Variants in ZNF697 observed in about 807,000 individuals in gnomAD.
ZNF697 encodes the protein zinc finger protein 697.
A neutral mutation model predicts 32.4 loss-of-function variants in ZNF697; 23 were observed. That is an observed-to-expected ratio of 0.71 (90% CI 0.51 to 1.01). ZNF697 has a LOEUF of 1.01. Ranked by LOEUF, ZNF697 falls within the 50% of genes least tolerant of loss-of-function variation. The probability of loss-of-function intolerance (pLI) is 0.00; values close to 1 mark genes in which losing one functional copy is unlikely to be tolerated. For synonymous variants in ZNF697, 418 were observed against 337.2 expected (o/e 1.24, Z -2.62); for missense variants, 930 against 794.0 (o/e 1.17, Z -2.06).
intron 1 of ZNF697, among the ~76,000 whole-genome samples, chr1:119,642,661 A>G (rs1649109506): frequency 6.6e-6 from 1 of 152,182 alleles, no homozygotes; most frequent in Non-Finnish European, 1.5e-5. Flanking sequence ...TCATTTTAGG[A>G]ACAAATTAAA....
At position 119,648,133 on chromosome 1, in the gene ZNF697, C is replaced by A. The variant is rs1296820667; in HGVS notation, c.-480G>T. Reference sequence around the variant, plus strand: ...GAGCGCCCCGGCCCGAGCCCCGCACCGCAGCGCGTCTGCCCTTGTGCGGCG... The same window carrying A: ...GAGCGCCCCGGCCCGAGCCCCGCACAGCAGCGCGTCTGCCCTTGTGCGGCG... On this transcript the variant is annotated 5_prime_UTR_variant, in exon 1 of 3. Coordinates refer to ENST00000421812, the MANE Select transcript of ZNF697 (RefSeq NM_001080470.2). Among the ~76,000 whole-genome samples the A allele has an allele frequency of 1.3e-5, 2 of 152,042 alleles. No homozygotes were observed. Among genetic ancestry groups the A allele is most frequent in the African/African-American group, 4.8e-5 (2 of 41,436 alleles).
At chr1:119,634,831 G>A (rs10754417) in intron 1 of ZNF697, among the ~76,000 whole-genome samples, 2 of 151,982 alleles carry the variant, frequency 1.3e-5, no homozygotes, top group African/African-American at 4.8e-5. Flanking sequence ...ATAAGACAAC[G>A]GAGGAACTGT....
intron 1 of ZNF697, among the ~76,000 whole-genome samples, chr1:119,646,650 AG>A (rs1297446944): frequency 1.3e-5 from 2 of 152,166 alleles, no homozygotes; most frequent in Non-Finnish European, 2.9e-5. Flanking sequence ...GCATTCTTAA[AG>A]GTTCATTTGG....
At position 119,623,196 on chromosome 1, in the gene ZNF697, A is replaced by T. The variant is rs757648970; in HGVS notation, c.1147T>A (p.Cys383Ser). The change falls in exon 3 of 3, where the codon TGT becomes AGT. Residue 383 changes from cysteine (C) to serine (S), a missense_variant. By Grantham distance (112) the Cys-to-Ser change is moderately radical (BLOSUM62 -1). Coordinates refer to ENST00000421812, the MANE Select transcript of ZNF697 (RefSeq NM_001080470.2). Reference protein sequence around the residue: ...RIHTGEKPHGCGECGKRFSWR... With the variant: ...RIHTGEKPHGSGECGKRFSWR... ...CTGAAGCGCTTGCCGCACTCGCCAC[A>T]GCCGTGCGGCTTCTCGCCCGTGTGG... 1.3e-6 allele frequency: 2 copies of T among 1,564,476 alleles called. No individual in the cohort carries two copies. The highest frequency in any genetic ancestry group is 1.7e-6 in the Non-Finnish European group (2 of 1,150,420).
intron 1 of ZNF697, among the ~76,000 whole-genome samples, chr1:119,645,242 C>T (rs1238492900): frequency 1.3e-5 from 2 of 152,172 alleles, no homozygotes; most frequent in Non-Finnish European, 2.9e-5. Context: ...TGAATCATCA[C>T]AGGTCTATGA....
chr1:119,642,763 C>T (rs141706003), intron 1 of ZNF697, among the ~76,000 whole-genome samples: 12 of 152,318 alleles, frequency 7.9e-5, no homozygotes, highest in Admixed American at 7.8e-4. Context: ...GTAAAGATTA[C>T]ATTCTAATGA....
Position 119,623,073 on chromosome 1 carries a change from G to A in ZNF697, c.1270C>T (p.Leu424Phe), listed in dbSNP as rs1648402467. ...GAGTGCGTGCGCTTGTGCGTGAAGA[G>A]GTGCGAGCTGACGCTGAAGGTCTCG... ...CGETFSVSSHLFTHKRTHSGE... is the reference protein window; with the variant it reads ...CGETFSVSSHFFTHKRTHSGE... The change falls in exon 3 of 3, where the codon CTC becomes TTC. Residue 424 changes from leucine to phenylalanine, a missense_variant. Physicochemically the swap from Leu to Phe is conservative, Grantham distance 22. Coordinates refer to ENST00000421812, the MANE Select transcript of ZNF697 (RefSeq NM_001080470.2). 3.8e-6 allele frequency: 6 copies of A among 1,585,296 alleles called. No individual in the cohort carries two copies. Among genetic ancestry groups the A allele is most frequent in the Admixed American group, 1.8e-5 (1 of 56,002 alleles).
At position 119,622,540 on chromosome 1, in the gene ZNF697, T is replaced by G. The variant is rs587686820; in HGVS notation, c.*165A>C. The stretch of plus-strand genomic sequence containing the variant: ...AAGTATAGCACCGGGAAAGACCAAC[T>G]TACTCAACACTCCTCCCACTTCAGG... On this transcript the variant is annotated 3_prime_UTR_variant, in exon 3 of 3. Coordinates refer to ENST00000421812, the MANE Select transcript of ZNF697 (RefSeq NM_001080470.2). 9 of 1,313,608 alleles carry G rather than the reference T, an allele frequency of 6.9e-6. No homozygotes were observed. In the East Asian group the frequency reaches 2.3e-4, roughly 34 times the overall value. The allele number at this position is 1,313,608 out of a possible 1,614,324, so 81.4% of individuals were successfully genotyped here. A position where few individuals can be genotyped will look rare whatever the true frequency, so the allele number is the denominator to read the frequency against.
At chr1:119,641,666 G>C (rs149205305) in intron 1 of ZNF697, among the ~76,000 whole-genome samples, 289 of 152,328 alleles carry the variant, frequency 1.9e-3, no homozygotes, top group African/African-American at 6.5e-3. Context: ...GAAGGGACCA[G>C]ATGGGAGGTA....
chr1:119,620,654 A>G lies in ZNF697; in HGVS notation c.*2051T>C, dbSNP rs1282626308. The G allele has an allele frequency of 2.6e-5, 4 of 152,672 alleles. No homozygotes were observed. Among genetic ancestry groups the G allele is most frequent in the African/African-American group, 9.6e-5 (4 of 41,466 alleles). The allele number at this position is 152,672 out of a possible 1,614,324, so 9.5% of individuals were successfully genotyped here. On this transcript the variant is annotated 3_prime_UTR_variant, in exon 3 of 3. Coordinates refer to ENST00000421812, the MANE Select transcript of ZNF697 (RefSeq NM_001080470.2). Reference sequence around the variant, plus strand: ...ATTAATGTCTTTCAAAACTGTCTGTAGTTTGAAAACCTATTTGCATTTGTG... The same window carrying G: ...ATTAATGTCTTTCAAAACTGTCTGTGGTTTGAAAACCTATTTGCATTTGTG...
At chr1:119,631,891 G>A (rs1648790218) in intron 1 of ZNF697, among the ~76,000 whole-genome samples, 1 of 152,186 alleles carries the variant, frequency 6.6e-6, no homozygotes, top group Non-Finnish European at 1.5e-5. Flanking sequence ...ACGCCCCCCT[G>A]CCCACCACTA....
chr1:119,629,832 A>G (rs1357442854), intron 1 of ZNF697, among the ~76,000 whole-genome samples: 1 of 152,226 alleles, frequency 6.6e-6, no homozygotes, highest in Admixed American at 6.5e-5. Flanking sequence ...AGGTTCTATT[A>G]ATGAACAACT....
rs1391538515 is a variant in ZNF697 at position 119,623,409 on chromosome 1, T to A, written c.934A>T (p.Thr312Ser). ...ADLLKHRRLH[T>S]GEKPYPCPEC... ...GGGCACGGGTAGGGCTTCTCGCCCGTGTGCAGGCGCCGGTGCTTGAGCAGG... is the reference window on the plus strand; with the variant it reads ...GGGCACGGGTAGGGCTTCTCGCCCGAGTGCAGGCGCCGGTGCTTGAGCAGG... The change falls in exon 3 of 3, where the codon ACG (threonine) becomes TCG (serine). Residue 312 changes from threonine (T) to serine (S), a missense_variant. By Grantham distance (58) the Thr-to-Ser change is moderately conservative (BLOSUM62 1). Coordinates refer to ENST00000421812, the MANE Select transcript of ZNF697 (RefSeq NM_001080470.2). 1.3e-6 allele frequency: 2 copies of A among 1,524,946 alleles called. No individual in the cohort carries two copies. The highest frequency in any genetic ancestry group is 1.8e-6 in the Non-Finnish European group (2 of 1,137,602). The allele number at this position is 1,524,946 out of a possible 1,614,324, so 94.5% of individuals were successfully genotyped here.
In ZNF697 at chr1:119,625,866, TCTC is replaced by T; in HGVS notation, c.226+6_226+8del. 3 of 1,612,862 alleles carry T rather than the reference TCTC, an allele frequency of 1.9e-6. No homozygotes were observed. The highest frequency in any genetic ancestry group is 2.5e-6 in the Non-Finnish European group (3 of 1,179,738). ...GCAACTTGCATAGAAATCCCAGCTT[TCTC>T]CTCACCTGTGCAGATGTCGGGCACT... On this transcript the variant is annotated splice_donor_region_variant and intron_variant, in intron 2 of 2. Coordinates refer to ENST00000421812, the MANE Select transcript of ZNF697 (RefSeq NM_001080470.2).
chr1:119,619,832 T>C lies in ZNF697; in HGVS notation c.*2873A>G, dbSNP rs902482949. 6.6e-6 allele frequency: 1 copy of C among 152,662 alleles called. No homozygotes were observed. The highest frequency in any genetic ancestry group is 2.4e-5 in the African/African-American group (1 of 41,454). 9.5% of individuals were successfully genotyped at this position (152,662 alleles called of 1,614,324 possible). ...AGCCTATTTAAATTGCTCCAGGTTT[T>C]GCTTAGTAAAGGGCAGCAGAGGAAG... On this transcript the variant is annotated 3_prime_UTR_variant, in exon 3 of 3. Coordinates refer to ENST00000421812, the MANE Select transcript of ZNF697 (RefSeq NM_001080470.2).
Position 119,625,969 on chromosome 1 carries a change from A to G in ZNF697, c.132T>C (p.His44=). Residue 44 remains histidine (H), a synonymous_variant, in exon 2 of 3, where the codon CAT becomes CAC. Coordinates refer to ENST00000421812, the MANE Select transcript of ZNF697 (RefSeq NM_001080470.2). ...GATGGCCTTCTCTCTTGTTTGTGTCATGTGGATTAGAGCCCATTTCTCTTT... is the reference window on the plus strand; with the variant it reads ...GATGGCCTTCTCTCTTGTTTGTGTCGTGTGGATTAGAGCCCATTTCTCTTT... ...PEEREMGSNP[H]DTNKREGHPE... is the part of the protein sequence containing the mutation. 2 of 1,613,896 alleles carry G rather than the reference A, an allele frequency of 1.2e-6. No individual in the cohort carries two copies. The highest frequency in any genetic ancestry group is 1.7e-6 in the Non-Finnish European group (2 of 1,179,830).
intron 1 of ZNF697, among the ~76,000 whole-genome samples, chr1:119,633,773 A>G (rs1648848254): frequency 6.6e-6 from 1 of 152,182 alleles, no homozygotes; most frequent in Non-Finnish European, 1.5e-5. Context: ...CAGTAATTGC[A>G]TCATATTTAC....
rs1458193546 is a variant in ZNF697, at chr1:119,634,781, T to C, written c.-37-8644A>G. Among the ~76,000 whole-genome samples, 9 of 152,268 alleles carry C rather than the reference T, an allele frequency of 5.9e-5. No homozygotes were observed. The East Asian group carries it at 1.5e-3, about 26-fold the overall frequency. The stretch of plus-strand genomic sequence containing the variant: ...ACCAACCCCAATATACTGACCTTAT[T>C]TGAATGCCAACTCAAACTTACAAAT... On this transcript the variant is annotated intron_variant, in intron 1 of 2. Coordinates refer to ENST00000421812, the MANE Select transcript of ZNF697 (RefSeq NM_001080470.2).
At position 119,623,308 on chromosome 1, in the gene ZNF697, C is replaced by A; in HGVS notation, c.1035G>T (p.Ala345=). 1 of 1,321,962 alleles carries A rather than the reference C, an allele frequency of 7.6e-7. No homozygotes were observed. 81.9% of individuals were successfully genotyped at this position (1,321,962 alleles called of 1,614,324 possible). A position where few individuals can be genotyped will look rare whatever the true frequency, so the allele number is the denominator to read the frequency against. ...CGAAGGGCCGCAGCGCCGCCGCCCC[C>A]GCGCCGCTGGCCGCCGCGTGCGCGC... ...HRRAHAAASG[A]GAAALRPFAC... Residue 345 remains alanine (A), a synonymous_variant, in exon 3 of 3, where the codon GCG becomes GCT. Coordinates refer to ENST00000421812, the MANE Select transcript of ZNF697 (RefSeq NM_001080470.2).
Sources: allele counts gnomAD v4.1 joint callset (sites outside exome capture counted in the v4.1 genomes callset), GRCh38; gene constraint gnomAD v4.1.1; transcripts MANE v1.5; gene names NCBI Gene and HGNC (gene_info 2026-07-23, HGNC 2026-07-21).